Variants in NEK1 observed in about 807,000 individuals in gnomAD.
The protein encoded by NEK1 is serine/threonine-protein kinase Nek1.
A neutral mutation model predicts 182.1 loss-of-function variants in NEK1; 137 were observed. The observed-to-expected ratio is 0.75, with a 90% confidence interval of 0.65 to 0.87. The LOEUF is 0.87. Ranked by LOEUF, NEK1 falls within the 40% of genes least tolerant of loss-of-function variation. NEK1 has a pLI of 0.00. For missense variants in NEK1, 1,391 were observed against 1,494.4 expected, an observed-to-expected ratio of 0.93 and a Z score of 1.14; for synonymous variants, 513 against 492.2, an observed-to-expected ratio of 1.04 and a Z score of -0.56.
chr4:169,558,326 T>G (rs1255546215), intron 16 of NEK1, among the ~76,000 whole-genome samples: 1 of 152,232 alleles, frequency 6.6e-6, no homozygotes, highest in Non-Finnish European at 1.5e-5. Flanking sequence ...AATTCACCAA[T>G]TGTAAGCACA....
At chr4:169,424,830 A>C (rs1413107440) in intron 30 of NEK1, 30 bp from the exon 31 acceptor site, 2 of 1,561,266 alleles carry the variant, frequency 1.3e-6, no homozygotes, top group African/African-American at 1.4e-5. Context: ...TTATGTGGTA[A>C]GTCTATACAG....
At chr4:169,469,512 A>G (rs1005144075) in intron 26 of NEK1, among the ~76,000 whole-genome samples, 2 of 152,224 alleles carry the variant, frequency 1.3e-5, no homozygotes, top group South Asian at 2.1e-4. Flanking sequence ...ATTCTTTTGC[A>G]TTTGCTGAGG....
At chr4:169,493,483 A>G (rs1349379059) in intron 23 of NEK1, among the ~76,000 whole-genome samples, 1 of 152,228 alleles carries the variant, frequency 6.6e-6, no homozygotes, top group Non-Finnish European at 1.5e-5. Flanking sequence ...AACTTGGAAT[A>G]TTGATGGCAA....
At chr4:169,469,453 T>A (rs1409134911) in intron 26 of NEK1, among the ~76,000 whole-genome samples, 2 of 152,226 alleles carry the variant, frequency 1.3e-5, no homozygotes, top group Non-Finnish European at 2.9e-5. Context: ...TAATCCTCAG[T>A]TCTAATTTGA....
chr4:169,577,462 A>G (rs1014828458), intron 11 of NEK1, among the ~76,000 whole-genome samples: 3 of 152,196 alleles, frequency 2.0e-5, no homozygotes, highest in African/African-American at 7.2e-5. Flanking sequence ...TAAGTTATGT[A>G]TCAATAGAGC....
At chr4:169,553,304 C>T (rs993770744) in intron 18 of NEK1, among the ~76,000 whole-genome samples, 1 of 152,064 alleles carries the variant, frequency 6.6e-6, no homozygotes, top group Non-Finnish European at 1.5e-5. Flanking sequence ...ACTGGGCATC[C>T]ACATGCAAAA....
chr4:169,477,085 C>T (rs779740002), intron 26 of NEK1, 39 bp downstream of exon 26: 2 of 1,397,938 alleles, frequency 1.4e-6, no homozygotes, highest in South Asian at 1.3e-5. Context: ...TACATATGTA[C>T]TAGACCTAAA....
intron 19 of NEK1, among the ~76,000 whole-genome samples, chr4:169,514,394 A>G (rs187961164): frequency 6.6e-6 from 1 of 152,326 alleles, no homozygotes; most frequent in African/African-American, 2.4e-5. Context: ...TGAGTTGATT[A>G]GTATTCACTC....
Position 169,433,529 on chromosome 4 carries a change from G to C in NEK1, c.2885+16C>G. 6.3e-7 allele frequency: 1 copy of C among 1,590,338 alleles called. No individual in the cohort carries two copies. Among genetic ancestry groups the C allele is most frequent in the South Asian group, 1.2e-5 (1 of 83,806 alleles). On this transcript the variant is annotated intron_variant, in intron 29 of 35. Transcript: ENST00000507142. The stretch of plus-strand genomic sequence containing the variant: ...AGGGACCTGGGTTTTAAAATGTCAG[G>C]AAAAGATGTACATACTGAGTTTCCT...
chr4:169,431,359 G>A (rs1300930312), intron 29 of NEK1, among the ~76,000 whole-genome samples: 4 of 151,854 alleles, frequency 2.6e-5, no homozygotes, highest in Admixed American at 2.6e-4. Context: ...TGAAATAAAT[G>A]GAAACACATT....
chr4:169,471,735 T>C (rs1038393859), intron 26 of NEK1, among the ~76,000 whole-genome samples: 9 of 152,042 alleles, frequency 5.9e-5, no homozygotes, highest in African/African-American at 1.9e-4. Flanking sequence ...AGCTGCCCCT[T>C]CCCCCAGGTG....
chr4:169,537,690 G>A (rs1303909167), intron 19 of NEK1, 119 bp downstream of exon 19: 2 of 768,116 alleles, frequency 2.6e-6, no homozygotes, highest in Middle Eastern at 2.4e-4. Flanking sequence ...TATCTTTACT[G>A]CCTCTTATTA....
intron 19 of NEK1, among the ~76,000 whole-genome samples, chr4:169,525,712 A>G (rs1756796627): frequency 2.0e-5 from 3 of 152,180 alleles, no homozygotes; most frequent in Admixed American, 2.0e-4. Context: ...TAAAATATTT[A>G]CTCTCTGGCC....
At chr4:169,511,179 C>T (rs932990683) in intron 19 of NEK1, among the ~76,000 whole-genome samples, 105 of 151,978 alleles carry the variant, frequency 6.9e-4, no homozygotes, top group African/African-American at 2.5e-3. Context: ...AAGAGCATGC[C>T]CTACCTTTTT....
chr4:169,445,132 A>G (rs777925679), intron 27 of NEK1, among the ~76,000 whole-genome samples: 1 of 151,752 alleles, frequency 6.6e-6, no homozygotes, highest in African/African-American at 2.4e-5. Flanking sequence ...ATAAACACCC[A>G]TATCACAAAA....
At chr4:169,429,176 G>T (rs1736965753) in intron 29 of NEK1, among the ~76,000 whole-genome samples, 3 of 152,068 alleles carry the variant, frequency 2.0e-5, no homozygotes, top group African/African-American at 7.2e-5. Flanking sequence ...GGTATACGAA[G>T]GATACTGGAA....
chr4:169,430,149 ACACT>A (rs1197380174), intron 29 of NEK1, among the ~76,000 whole-genome samples: 1 of 152,014 alleles, frequency 6.6e-6, no homozygotes, highest in Non-Finnish European at 1.5e-5. Flanking sequence ...AAAATAGAAA[ACACT>A]CTCTCTGCCT....
At chr4:169,401,524 A>C in intron 33 of NEK1, 128 bp downstream of exon 33, 1 of 580,448 alleles carries the variant, frequency 1.7e-6, no homozygotes, top group Non-Finnish European at 2.8e-6. Context: ...AAAAGGGGAG[A>C]GACCCAGAGG....
chr4:169,465,506 C>T (rs752896343), intron 26 of NEK1, among the ~76,000 whole-genome samples: 9 of 151,860 alleles, frequency 5.9e-5, no homozygotes, highest in Non-Finnish European at 1.3e-4. Flanking sequence ...TGTAAAAAGC[C>T]CCTTTGAGTC....
Sources: allele counts gnomAD v4.1 joint callset (sites outside exome capture counted in the v4.1 genomes callset), GRCh38; gene constraint gnomAD v4.1.1; transcripts MANE v1.5; gene names NCBI Gene and HGNC (gene_info 2026-07-23, HGNC 2026-07-21).